The following FMNL2 variants were observed in gnomAD, a reference collection of about 807,000 sequenced individuals.
FMNL2 encodes formin-like protein 2.
A neutral mutation model predicts 130.2 loss-of-function variants in FMNL2; 51 were observed. The observed-to-expected ratio is 0.39, with a 90% CI of 0.31 to 0.49. The LOEUF is 0.49. FMNL2 is among the 20% of genes least tolerant of loss of function. FMNL2 has a pLI of 0.85. For missense variants in FMNL2, 977 were observed against 1,316.2 expected (o/e 0.74, Z 3.99); for synonymous variants, 465 against 467.1 (o/e 1.00, Z 0.06).
intron 1 of FMNL2, among the ~76,000 whole-genome samples, chr2:152,407,201 T>TG (rs1352509408): frequency 6.6e-6 from 1 of 151,156 alleles, no homozygotes; most frequent in Non-Finnish European, 1.5e-5. Context: ...TGTTTTTGTT[T>TG]TTTTTTTCTT....
intron 25 of FMNL2, among the ~76,000 whole-genome samples, chr2:152,642,912 G>A (rs897368011): frequency 4.7e-4 from 71 of 152,122 alleles, no homozygotes; most frequent in Non-Finnish European, 1.5e-5. Context: ...GGGAGGCCGA[G>A]ACAGGAGAAT....
chr2:152,478,551 T>C (rs559870552), intron 1 of FMNL2, among the ~76,000 whole-genome samples: 22 of 152,092 alleles, frequency 1.4e-4, no homozygotes, highest in Non-Finnish European at 2.6e-4. Context: ...ATTTTTTTAG[T>C]TATTGTTACA....
chr2:152,349,320 A>G (rs1440639769), intron 1 of FMNL2, among the ~76,000 whole-genome samples: 1 of 152,186 alleles, frequency 6.6e-6, no homozygotes, highest in African/African-American at 2.4e-5. Context: ...CTTTATATGC[A>G]TTATCGTTGA....
chr2:152,346,282 C>T (rs1438620883), intron 1 of FMNL2, among the ~76,000 whole-genome samples: 4 of 152,276 alleles, frequency 2.6e-5, no homozygotes, highest in African/African-American at 9.6e-5. Context: ...ACCCCAGCCT[C>T]CCAAAGTGCT....
At chr2:152,431,966 A>T (rs1379120158) in intron 1 of FMNL2, among the ~76,000 whole-genome samples, 5 of 72,486 alleles carry the variant, frequency 6.9e-5, no homozygotes, top group Admixed American at 1.5e-4. Context: ...CCCTATCTTT[A>T]AAAAAAAAAA....
At chr2:152,579,158 A>G (rs1696639044) in intron 8 of FMNL2, among the ~76,000 whole-genome samples, 194 bp downstream of exon 8, 1 of 152,226 alleles carries the variant, frequency 6.6e-6, no homozygotes, top group Non-Finnish European at 1.5e-5. Context: ...GAGTTGAGCA[A>G]CTGGTGACAA....
chr2:152,505,134 T>C (rs1236999940), intron 1 of FMNL2, among the ~76,000 whole-genome samples: 1 of 150,334 alleles, frequency 6.7e-6, no homozygotes. Flanking sequence ...GAGTCTATAT[T>C]TACTAAGTCA....
At chr2:152,440,445 C>T (rs1352949344) in intron 1 of FMNL2, among the ~76,000 whole-genome samples, 1 of 152,216 alleles carries the variant, frequency 6.6e-6, no homozygotes, top group Non-Finnish European at 1.5e-5. Flanking sequence ...TTGACAAATG[C>T]ATTGCTGATA....
At chr2:152,386,681 T>A (rs1446081969) in intron 1 of FMNL2, among the ~76,000 whole-genome samples, 1 of 152,178 alleles carries the variant, frequency 6.6e-6, no homozygotes, top group Non-Finnish European at 1.5e-5. Context: ...TCTGATTTGA[T>A]GTTATTACCT....
rs528756433 is a variant in FMNL2 at position 152,452,667 on chromosome 2, T to C, written c.118-69276T>C. ...GGGAAGTGAGGGGCTATTAAGTATG[T>C]GTGTGTGTTGGTGGGGAGCAGTAAC... On this transcript the variant is annotated intron_variant, in intron 1 of 25. Coordinates refer to ENST00000288670, the MANE Select transcript of FMNL2 (RefSeq NM_052905.4). Among the ~76,000 whole-genome samples, 4 of 149,132 alleles carry C rather than the reference T, an allele frequency of 2.7e-5. No homozygotes were observed. In the East Asian group the frequency reaches 5.8e-4, roughly 22 times the overall value.
At chr2:152,374,067 T>G (rs1384487988) in intron 1 of FMNL2, among the ~76,000 whole-genome samples, 1 of 152,168 alleles carries the variant, frequency 6.6e-6, no homozygotes, top group African/African-American at 2.4e-5. Context: ...AGGCTTTGCC[T>G]TTAGGTACTT....
intron 25 of FMNL2, among the ~76,000 whole-genome samples, chr2:152,646,375 C>G (rs909139357): frequency 6.6e-6 from 1 of 151,718 alleles, no homozygotes; most frequent in Non-Finnish European, 1.5e-5. Context: ...CAGGGTCACA[C>G]AAATTCCAAT....
At chr2:152,555,007 A>G (rs970203303) in intron 4 of FMNL2, among the ~76,000 whole-genome samples, 1 of 152,158 alleles carries the variant, frequency 6.6e-6, no homozygotes, top group Non-Finnish European at 1.5e-5. Flanking sequence ...AATATTTTTT[A>G]TTGCTTATCT....
chr2:152,335,515 G>A lies in FMNL2; in HGVS notation c.-89G>A, dbSNP rs1681347387. 3 of 1,028,334 alleles carry A rather than the reference G, an allele frequency of 2.9e-6. No individual in the cohort carries two copies. Among genetic ancestry groups the A allele is most frequent in the Non-Finnish European group, 4.1e-6 (3 of 737,442 alleles). 63.7% of individuals were successfully genotyped at this position (1,028,334 alleles called of 1,614,324 possible). A position where few individuals can be genotyped will look rare whatever the true frequency, so the allele number is the denominator to read the frequency against. On this transcript the variant is annotated 5_prime_UTR_variant, in exon 1 of 26. Transcript: ENST00000288670. ...GGGGAGCCGGGCAGGTCGCGCCTGC[G>A]GGCGGCAGCCGACCGCCGGGAGCTG...
At chr2:152,436,474 A>G (rs1481037178) in intron 1 of FMNL2, among the ~76,000 whole-genome samples, 1 of 152,146 alleles carries the variant, frequency 6.6e-6, no homozygotes, top group South Asian at 2.1e-4. Context: ...TGGGAACTAC[A>G]TGGTATCTAC....
intron 25 of FMNL2, among the ~76,000 whole-genome samples, chr2:152,646,955 A>C (rs1426678762): frequency 6.6e-6 from 1 of 152,178 alleles, no homozygotes; most frequent in African/African-American, 2.4e-5. Flanking sequence ...CTCCCACTTC[A>C]TCCTGACAGA....
At chr2:152,629,938 TG>T in intron 20 of FMNL2, 33 bp downstream of exon 20, 1 of 1,565,396 alleles carries the variant, frequency 6.4e-7, no homozygotes, top group South Asian at 1.2e-5. Context: ...GAGAGCTGTT[TG>T]AAGGACAGAT....
At chr2:152,448,879 G>A (rs1009880445) in intron 1 of FMNL2, among the ~76,000 whole-genome samples, 3 of 152,228 alleles carry the variant, frequency 2.0e-5, no homozygotes, top group Non-Finnish European at 4.4e-5. Flanking sequence ...CATCTCTCAT[G>A]CTCTTGTCCC....
At chr2:152,409,051 A>C (rs140942647) in intron 1 of FMNL2, among the ~76,000 whole-genome samples, 74 of 152,310 alleles carry the variant, frequency 4.9e-4, no homozygotes, top group African/African-American at 1.7e-3. Context: ...TTGGCTTCAT[A>C]AATTTCTTCT....
Sources: gnomAD v4.1 joint callset for allele counts (sites outside exome capture counted in the v4.1 genomes callset) on GRCh38, gnomAD v4.1.1 for gene constraint, MANE v1.5 for transcripts, NCBI Gene and HGNC (gene_info 2026-07-23, HGNC 2026-07-21) for gene names.